The following DLGAP2 variants were observed in gnomAD, a reference collection of about 807,000 sequenced individuals.
DLGAP2 encodes the protein DLG associated protein 2, also known as disks large-associated protein 2.
Under a neutral mutation model 100.3 loss-of-function variants are expected in DLGAP2, and 26 were observed. The observed-to-expected ratio is 0.26, with a 90% CI of 0.19 to 0.36. The LOEUF is 0.36. Ranked by LOEUF, DLGAP2 falls within the 10% of genes least tolerant of loss-of-function variation. The probability of loss-of-function intolerance (pLI) is 1.00; values close to 1 mark genes in which losing one functional copy is unlikely to be tolerated. For missense variants in DLGAP2, 1,858 were observed against 1,453.2 expected (o/e 1.28, Z -4.53); for synonymous variants, 886 against 630.1 (o/e 1.41, Z -6.08).
chr8:1,607,088 G>T (rs1375043799), intron 6 of DLGAP2, among the ~76,000 whole-genome samples: 1 of 152,116 alleles, frequency 6.6e-6, no homozygotes, highest in Admixed American at 6.5e-5. Flanking sequence ...ACCTTTTGAG[G>T]AACTCCCAGA....
intron 3 of DLGAP2, among the ~76,000 whole-genome samples, chr8:1,309,922 C>A (rs901602639): frequency 5.9e-5 from 9 of 151,948 alleles, no homozygotes; most frequent in African/African-American, 1.2e-4. Context: ...TGGTGAAAAC[C>A]CATCTTTACT....
intron 2 of DLGAP2, among the ~76,000 whole-genome samples, chr8:1,097,781 GACCCCTCCAGCGTGAGACCCACCTCCC>G (rs1428920541): frequency 7.8e-6 from 1 of 128,046 alleles, no homozygotes; most frequent in Non-Finnish European, 1.6e-5. Flanking sequence ...GCATGGAGAG[GACCCCTCCAGCGTGAGACCCACCTCCC>G]TCTGCTCAGG....
At chr8:784,983 G>A (rs1387578686) in intron 1 of DLGAP2, among the ~76,000 whole-genome samples, 3 of 151,902 alleles carry the variant, frequency 2.0e-5, no homozygotes, top group South Asian at 2.1e-4. Flanking sequence ...CGAGGCAGGC[G>A]GATCACAAGG....
intron 1 of DLGAP2, among the ~76,000 whole-genome samples, chr8:902,244 T>C (rs1164978536): frequency 6.6e-6 from 1 of 152,012 alleles, no homozygotes. Context: ...TCATTCCTAC[T>C]GGATAGGAGT....
At chr8:1,299,083 C>G (rs939945740) in intron 3 of DLGAP2, among the ~76,000 whole-genome samples, 1 of 152,210 alleles carries the variant, frequency 6.6e-6, no homozygotes, top group Non-Finnish European at 1.5e-5. Context: ...TTGTGGGTAA[C>G]TTTTAATTTG....
intron 4 of DLGAP2, among the ~76,000 whole-genome samples, chr8:1,502,433 C>G (rs1165278577): frequency 6.6e-6 from 1 of 152,054 alleles, no homozygotes. Flanking sequence ...AAACTACAGC[C>G]AAAAAGTGTT....
At chr8:935,879 A>C (rs1205679725) in intron 2 of DLGAP2, among the ~76,000 whole-genome samples, 1 of 152,188 alleles carries the variant, frequency 6.6e-6, no homozygotes, top group African/African-American at 2.4e-5. Flanking sequence ...TTATTATTAA[A>C]ATGTCTATCA....
intron 3 of DLGAP2, among the ~76,000 whole-genome samples, chr8:1,432,501 A>T (rs1377341460): frequency 6.6e-6 from 1 of 152,212 alleles, no homozygotes; most frequent in African/African-American, 2.4e-5. Flanking sequence ...TGAAATTGCC[A>T]CTGAAATTGT....
At chr8:1,179,531 C>T (rs1797335844) in intron 2 of DLGAP2, among the ~76,000 whole-genome samples, 1 of 152,250 alleles carries the variant, frequency 6.6e-6, no homozygotes, top group Non-Finnish European at 1.5e-5. Context: ...GAGGCTTCCA[C>T]CTCTCTCCAA....
At chr8:1,640,168 C>T (rs1294073260) in intron 8 of DLGAP2, among the ~76,000 whole-genome samples, 1 of 152,196 alleles carries the variant, frequency 6.6e-6, no homozygotes, top group African/African-American at 2.4e-5. Context: ...CATTTCTCTT[C>T]TAGGAGTATT....
intron 3 of DLGAP2, among the ~76,000 whole-genome samples, chr8:1,266,646 C>G (rs368943705): frequency 2.6e-5 from 4 of 152,282 alleles, no homozygotes; most frequent in East Asian, 3.9e-4. Flanking sequence ...TCAGTCACCA[C>G]GCACTGACGT....
chr8:1,652,738 A>G (rs1245402379), intron 8 of DLGAP2, among the ~76,000 whole-genome samples: 1 of 152,240 alleles, frequency 6.6e-6, no homozygotes, highest in Non-Finnish European at 1.5e-5. Context: ...TCATTCTTGA[A>G]GTCAGGGTCA....
Position 1,648,050 on chromosome 8 carries a change from C to T in DLGAP2, c.1810+15004C>T, listed in dbSNP as rs74977647. Among the ~76,000 whole-genome samples the T allele has an allele frequency of 8.7e-3, 1,322 of 152,276 alleles. 21 individuals carry two copies. Among genetic ancestry groups the T allele is most frequent in the African/African-American group, 0.03 (1,243 of 41,552 alleles). ...TCACTGCCATGCCCAAGGCCTGTGGCGATAAGCCAGATGAGTTTAAATTAA... is the reference window on the plus strand; with the variant it reads ...TCACTGCCATGCCCAAGGCCTGTGGTGATAAGCCAGATGAGTTTAAATTAA... On this transcript the variant is annotated intron_variant, in intron 8 of 14. Transcript: ENST00000637795.
chr8:1,048,292 C>G (rs1802570867), intron 2 of DLGAP2, among the ~76,000 whole-genome samples: 1 of 152,078 alleles, frequency 6.6e-6, no homozygotes, highest in South Asian at 2.1e-4. Context: ...CAAAGGACAC[C>G]CCAAGGCTCA....
At chr8:755,435 C>T (rs143664783) in intron 1 of DLGAP2, among the ~76,000 whole-genome samples, 57 of 152,028 alleles carry the variant, frequency 3.7e-4, no homozygotes, top group African/African-American at 1.2e-3. Flanking sequence ...CCAGCCTGGG[C>T]GACAGAGCAA....
intron 6 of DLGAP2, 27 bp downstream of exon 6, chr8:1,565,921 T>A (rs1055013818): frequency 6.4e-7 from 1 of 1,553,870 alleles, no homozygotes; most frequent in Non-Finnish European, 8.7e-7. Flanking sequence ...GCCTTCCCAC[T>A]CCAAGCACTT....
chr8:1,641,179 C>G (rs1246706687), intron 8 of DLGAP2, among the ~76,000 whole-genome samples: 1 of 152,206 alleles, frequency 6.6e-6, no homozygotes, highest in Non-Finnish European at 1.5e-5. Flanking sequence ...CTGTCTAGAA[C>G]AGACATGACA....
In DLGAP2 at chr8:996,065, C is replaced by G. The variant is rs528725984; in HGVS notation, c.73+88099C>G. On this transcript the variant is annotated intron_variant, in intron 2 of 14. Coordinates refer to ENST00000637795, the MANE Select transcript of DLGAP2 (RefSeq NM_001346810.2). ...ATCTGGAATTAGACTCAGGAGAAAT[C>G]CAACCACAACACCGTTTAAAGTAGT... 4.6e-5 allele frequency among the ~76,000 whole-genome samples: 7 copies of G among 152,280 alleles called. No homozygotes were observed. In the South Asian group the frequency reaches 1.2e-3, roughly 27 times the overall value.
At chr8:1,028,316 C>T (rs1428021897) in intron 2 of DLGAP2, among the ~76,000 whole-genome samples, 2 of 135,468 alleles carry the variant, frequency 1.5e-5, no homozygotes, top group Admixed American at 7.3e-5. Flanking sequence ...GGGTGTCAGG[C>T]GCCCGTTATT....
Sources: allele counts gnomAD v4.1 joint callset (sites outside exome capture counted in the v4.1 genomes callset), GRCh38; gene constraint gnomAD v4.1.1; transcripts MANE v1.5; gene names NCBI Gene and HGNC (gene_info 2026-07-23, HGNC 2026-07-21).